CLSTN2: variants seen among roughly 807,000 people sequenced by gnomAD.
CLSTN2 encodes calsyntenin-2.
In CLSTN2, 48 loss-of-function variants were observed where a neutral mutation model predicts 101.2. The ratio of observed to expected loss-of-function variants is 0.47; its 90% CI spans 0.38 to 0.60. CLSTN2 has a LOEUF of 0.60. Among genes scored for constraint, CLSTN2 ranks in the 20% least tolerant of loss-of-function variants. The probability of loss-of-function intolerance (pLI) is 0.00; values close to 1 mark genes in which losing one functional copy is unlikely to be tolerated. For missense variants in CLSTN2, 1,160 were observed against 1,238.2 expected (o/e 0.94, Z 0.95); for synonymous variants, 481 against 463.6 (o/e 1.04, Z -0.48).
At chr3:140,530,971 G>A (rs528007507) in intron 8 of CLSTN2, among the ~76,000 whole-genome samples, 5 of 152,268 alleles carry the variant, frequency 3.3e-5, no homozygotes, top group East Asian at 3.9e-4. Flanking sequence ...CTTTGGGTTC[G>A]GTGCTTGATT....
chr3:140,229,129 A>G (rs2086349482), intron 2 of CLSTN2, among the ~76,000 whole-genome samples: 1 of 152,170 alleles, frequency 6.6e-6, no homozygotes, highest in African/African-American at 2.4e-5. Context: ...CAGATCCATG[A>G]GCATAAGCAT....
At chr3:139,957,461 A>G (rs1935427918) in intron 1 of CLSTN2, among the ~76,000 whole-genome samples, 1 of 151,696 alleles carries the variant, frequency 6.6e-6, no homozygotes, top group Non-Finnish European at 1.5e-5. Context: ...TAACCTGTAT[A>G]TGCCTCAAAT....
chr3:140,250,689 G>C (rs559295641), intron 2 of CLSTN2, among the ~76,000 whole-genome samples: 108 of 152,298 alleles, frequency 7.1e-4, no homozygotes, highest in African/African-American at 2.4e-3. Flanking sequence ...AATTGGATGA[G>C]CCTTCGCCAG....
intron 8 of CLSTN2, among the ~76,000 whole-genome samples, chr3:140,501,016 G>A (rs1445841226): frequency 6.6e-6 from 1 of 152,110 alleles, no homozygotes; most frequent in African/African-American, 2.4e-5. Flanking sequence ...CTAGTTGAGT[G>A]TTCGGGTGAA....
intron 2 of CLSTN2, among the ~76,000 whole-genome samples, chr3:140,336,222 G>C (rs1441318735): frequency 6.6e-6 from 1 of 152,164 alleles, no homozygotes; most frequent in Non-Finnish European, 1.5e-5. Context: ...CACCGTGAAG[G>C]CATTTTAAAC....
At chr3:140,402,201 T>C (rs1483081765) in intron 2 of CLSTN2, among the ~76,000 whole-genome samples, 2 of 152,234 alleles carry the variant, frequency 1.3e-5, no homozygotes, top group Non-Finnish European at 2.9e-5. Context: ...TCAGAGGATT[T>C]CTTTCCTGAA....
intron 2 of CLSTN2, among the ~76,000 whole-genome samples, chr3:140,309,568 C>A (rs185478374): frequency 6.6e-6 from 1 of 152,218 alleles, no homozygotes; most frequent in East Asian, 1.9e-4. Context: ...GATGGCAATG[C>A]AGGCAGGCCA....
chr3:140,312,440 T>TC (rs2087179334), intron 2 of CLSTN2, among the ~76,000 whole-genome samples: 1 of 152,250 alleles, frequency 6.6e-6, no homozygotes, highest in African/African-American at 2.4e-5. Context: ...AAGTAGTTTT[T>TC]CCCCAAGGAA....
intron 2 of CLSTN2, among the ~76,000 whole-genome samples, chr3:140,396,203 C>T (rs576442273): frequency 6.6e-6 from 1 of 152,290 alleles, no homozygotes; most frequent in African/African-American, 2.4e-5. Context: ...ATCCCCCTCA[C>T]TAAACTCTCC....
At chr3:140,398,953 C>T (rs1576548170) in intron 2 of CLSTN2, among the ~76,000 whole-genome samples, 1 of 152,304 alleles carries the variant, frequency 6.6e-6, no homozygotes, top group African/African-American at 2.4e-5. Context: ...GGTCATGTCT[C>T]ACTCAGGCAC....
At chr3:140,313,367 G>A (rs528433795) in intron 2 of CLSTN2, among the ~76,000 whole-genome samples, 17 of 152,248 alleles carry the variant, frequency 1.1e-4, no homozygotes, top group East Asian at 3.9e-4. Flanking sequence ...CCACACAGCC[G>A]TGGTACCCTG....
chr3:140,547,835 C>T (rs1304300865), intron 10 of CLSTN2, among the ~76,000 whole-genome samples: 1 of 152,214 alleles, frequency 6.6e-6, no homozygotes, highest in Non-Finnish European at 1.5e-5. Context: ...AACAGTCCCT[C>T]GGCCTCCTCT....
At chr3:140,465,954 C>T (rs1416846731) in intron 7 of CLSTN2, among the ~76,000 whole-genome samples, 1 of 152,170 alleles carries the variant, frequency 6.6e-6, no homozygotes, top group African/African-American at 2.4e-5. Context: ...GGATCCATGA[C>T]ACGAAATTTT....
intron 2 of CLSTN2, among the ~76,000 whole-genome samples, chr3:140,292,867 T>C (rs1042494000): frequency 1.3e-5 from 2 of 152,218 alleles, no homozygotes; most frequent in Non-Finnish European, 2.9e-5. Context: ...CTTTCCACTT[T>C]GGAAGACTGT....
At chr3:139,972,977 T>G (rs1313294126) in intron 1 of CLSTN2, among the ~76,000 whole-genome samples, 30 of 152,224 alleles carry the variant, frequency 2.0e-4, no homozygotes, top group Admixed American at 2.0e-3. Context: ...TAGTCTACCT[T>G]AAAAAATTAA....
intron 2 of CLSTN2, among the ~76,000 whole-genome samples, chr3:140,212,631 C>T (rs1332671504): frequency 6.6e-6 from 1 of 152,160 alleles, no homozygotes; most frequent in Admixed American, 6.5e-5. Flanking sequence ...CCCATAAGGC[C>T]CTTTATTGTC....
chr3:140,555,309 G>T (rs1388180386), intron 10 of CLSTN2, among the ~76,000 whole-genome samples: 2 of 152,186 alleles, frequency 1.3e-5, no homozygotes, highest in East Asian at 3.8e-4. Flanking sequence ...ATATCCTGCA[G>T]GGAAGGGTAC....
At chr3:140,024,083 G>C (rs1172978402) in intron 1 of CLSTN2, among the ~76,000 whole-genome samples, 1 of 152,178 alleles carries the variant, frequency 6.6e-6, no homozygotes, top group Non-Finnish European at 1.5e-5. Context: ...GCCAATCTGG[G>C]TCTCAGTTAC....
intron 1 of CLSTN2, among the ~76,000 whole-genome samples, chr3:140,021,858 T>C (rs949841123): frequency 3.9e-5 from 6 of 152,176 alleles, no homozygotes; most frequent in Admixed American, 2.6e-4. Context: ...AGTGGAGCCA[T>C]TGAATGTTAA....
Sources: gnomAD v4.1 joint callset for allele counts (sites outside exome capture counted in the v4.1 genomes callset) on GRCh38, gnomAD v4.1.1 for gene constraint, MANE v1.5 for transcripts, NCBI Gene and HGNC (gene_info 2026-07-23, HGNC 2026-07-21) for gene names.